Variants in STAT4 observed in about 807,000 individuals in gnomAD.
STAT4 encodes signal transducer and activator of transcription 4.
In STAT4, 42 loss-of-function variants were observed where a neutral mutation model predicts 110.5. That is an observed-to-expected ratio of 0.38 (90% CI 0.30 to 0.49). The LOEUF is 0.49. STAT4 is among the 20% of genes least tolerant of loss of function. STAT4 has a pLI of 0.95. For synonymous variants in STAT4, 284 were observed against 302.2 expected (o/e 0.94, Z 0.63); for missense variants, 632 against 887.9 (o/e 0.71, Z 3.66).
chr2:191,040,116 C>T (rs1696148284), intron 15 of STAT4, among the ~76,000 whole-genome samples: 1 of 152,162 alleles, frequency 6.6e-6, no homozygotes, highest in African/African-American at 2.4e-5. Context: ...GGATCATATT[C>T]AGGGTGTGTG....
chr2:191,030,666 G>A lies in STAT4; in HGVS notation c.2220+306C>T, dbSNP rs1297972391. On this transcript the variant is annotated intron_variant, in intron 23 of 23. Coordinates refer to ENST00000392320, the MANE Select transcript of STAT4 (RefSeq NM_003151.4). This position sits in a 1 kb window ranked among gnomAD's most constrained non-coding sequence, Gnocchi z 4.4. ...GCTAAAGTAGAGAGTGGTGGGGAGTGAGGGGGCCCATGGTGCAAGCAGCGA... is the reference window on the plus strand; with the variant it reads ...GCTAAAGTAGAGAGTGGTGGGGAGTAAGGGGGCCCATGGTGCAAGCAGCGA... 2 of 256,812 alleles carry A rather than the reference G, an allele frequency of 7.8e-6. No homozygotes were observed. Among genetic ancestry groups the A allele is most frequent in the Admixed American group, 4.9e-5 (1 of 20,210 alleles). The allele number at this position is 256,812 out of a possible 1,614,324, so 15.9% of individuals were successfully genotyped here. A position where few individuals can be genotyped will look rare whatever the true frequency, so the allele number is the denominator to read the frequency against.
At chr2:191,145,863 T>C (rs7561832) in intron 3 of STAT4, among the ~76,000 whole-genome samples, 97,338 of 151,968 alleles carry the variant, frequency 0.64, 32,909 homozygotes, top group South Asian at 0.78. Flanking sequence ...ATTAGAACTG[T>C]TGGGTTTAGC....
chr2:191,036,068 C>T (rs1481214732), intron 17 of STAT4, 96 bp downstream of exon 17: 1 of 1,379,748 alleles, frequency 7.2e-7, no homozygotes, highest in Non-Finnish European at 9.8e-7. Flanking sequence ...TTATGATTAT[C>T]ATCTTTATTA....
chr2:191,030,985 G>A lies in STAT4; in HGVS notation c.2207C>T (p.Thr736Ile), dbSNP rs908276985. ...AAGGGAACATACTGCAGTTTCAATT[G>A]TTGTGGGACTCAGGTTTTCTCTCAA... is the stretch of plus-strand genomic sequence containing the variant. ...AVLRENLSPT[T>I]IETAMKSPYS... Residue 736 changes from threonine to isoleucine, a missense_variant, in exon 23 of 24, where the codon ACA (threonine) becomes ATA (isoleucine). By Grantham distance (89) the Thr-to-Ile change is moderately conservative (BLOSUM62 -1). Around this residue, in one of 4 missense-constraint regions of STAT4, gnomAD observed 32 missense variants for 67.6 expected, o/e 0.47. Transcript: ENST00000392320. This position sits in a 1 kb window ranked among gnomAD's most constrained non-coding sequence, Gnocchi z 4.4. The A allele has an allele frequency of 6.2e-7, 1 of 1,613,698 alleles. No homozygotes were observed. Among genetic ancestry groups the A allele is most frequent in the African/African-American group, 1.3e-5 (1 of 74,912 alleles).
chr2:191,100,992 T>C (rs919871929), intron 3 of STAT4, among the ~76,000 whole-genome samples: 2 of 152,050 alleles, frequency 1.3e-5, no homozygotes, highest in African/African-American at 4.8e-5. Flanking sequence ...CTATGACATT[T>C]TTTTTTAAGC....
At chr2:191,148,535 T>C (rs1699513206) in intron 1 of STAT4, among the ~76,000 whole-genome samples, 1 of 152,192 alleles carries the variant, frequency 6.6e-6, no homozygotes, top group Non-Finnish European at 1.5e-5. Context: ...TTTCCCTATC[T>C]CTTGTCCCCT....
rs200170494 is a variant in STAT4 at position 191,036,147 on chromosome 2, T to C, written c.1570+17A>G. The C allele has an allele frequency of 2.6e-4, 413 of 1,612,334 alleles. 1 individual carries two copies. Among genetic ancestry groups the C allele is most frequent in the Non-Finnish European group, 3.2e-4 (372 of 1,179,062 alleles). The stretch of plus-strand genomic sequence containing the variant: ...GCCAAAAACAGAGGCAAATCCTCTC[T>C]ATCTACCAGCTCTCACCTGTAAGCT... On this transcript the variant is annotated intron_variant, in intron 17 of 23. Coordinates refer to ENST00000392320, the MANE Select transcript of STAT4 (RefSeq NM_003151.4).
At chr2:191,057,523 AT>A (rs1396006483) in intron 13 of STAT4, among the ~76,000 whole-genome samples, 1 of 147,196 alleles carries the variant, frequency 6.8e-6, no homozygotes. Context: ...TCTTTCTACC[AT>A]TTTAATTCTT....
intron 14 of STAT4, among the ~76,000 whole-genome samples, chr2:191,048,746 G>A (rs76421327): frequency 3.6e-4 from 42 of 115,522 alleles, no homozygotes; most frequent in African/African-American, 1.4e-3. Flanking sequence ...AGATCACGCC[G>A]CTGCACTCCA....
rs967548194 is a variant in STAT4, at chr2:191,096,945, C to T, written c.274-20620G>A. 2.7e-4 allele frequency among the ~76,000 whole-genome samples: 41 copies of T among 152,202 alleles called. 1 individual carries two copies. The highest frequency in any genetic ancestry group is 9.6e-4 in the African/African-American group (40 of 41,538). On this transcript the variant is annotated intron_variant, in intron 3 of 23. Coordinates refer to ENST00000392320, the MANE Select transcript of STAT4 (RefSeq NM_003151.4). The stretch of plus-strand genomic sequence containing the variant: ...AGTCTCAGGATACAAAATCAATGTG[C>T]AAAAATCACAAGCATTCTTATACAC...
At chr2:191,034,229 T>A (rs895931169) in intron 18 of STAT4, among the ~76,000 whole-genome samples, 8 of 152,134 alleles carry the variant, frequency 5.3e-5, no homozygotes, top group Non-Finnish European at 1.0e-4. Context: ...GAGACCATCC[T>A]GACTAACACG....
chr2:191,089,261 C>G (rs1697725483), intron 3 of STAT4, among the ~76,000 whole-genome samples: 1 of 152,098 alleles, frequency 6.6e-6, no homozygotes, highest in Admixed American at 6.6e-5. Flanking sequence ...TAATAGATGT[C>G]TCACCAAAGA....
intron 3 of STAT4, among the ~76,000 whole-genome samples, chr2:191,129,128 G>A (rs1280437106): frequency 6.6e-6 from 1 of 151,934 alleles, no homozygotes; most frequent in Non-Finnish European, 1.5e-5. Context: ...TTTGCTGCAT[G>A]ATATTTACAA....
rs1186954697 is a variant in STAT4, at chr2:191,059,534, T to C, written c.1035-765A>G. 2.0e-5 allele frequency among the ~76,000 whole-genome samples: 3 copies of C among 152,190 alleles called. No homozygotes were observed. ...CTAAACTTTGCTCATTCACTCAGCA[T>C]GCACTGAGCTCCTCATATTTATGCA... On this transcript the variant is annotated intron_variant, in intron 10 of 23. Transcript: ENST00000392320. This position sits in a 1 kb window ranked among gnomAD's most constrained non-coding sequence, Gnocchi z 4.7.
In STAT4 at chr2:191,046,047, G is replaced by A. The variant is rs1453879999; in HGVS notation, c.1252-4899C>T. On this transcript the variant is annotated intron_variant, in intron 14 of 23. Transcript: ENST00000392320. The surrounding 1 kb of genome is among the most constrained non-coding windows in gnomAD (Gnocchi z 4.6). The stretch of plus-strand genomic sequence containing the variant: ...GAAAATCTCACTGCCCACTAGGGAG[G>A]GGATGCTTACACTATGCAAAACACG... 6.6e-6 allele frequency among the ~76,000 whole-genome samples: 1 copy of A among 152,098 alleles called. No homozygotes were observed. The highest frequency in any genetic ancestry group is 1.5e-5 in the Non-Finnish European group (1 of 68,018).
intron 3 of STAT4, among the ~76,000 whole-genome samples, chr2:191,145,174 G>A (rs950171692): frequency 3.9e-5 from 6 of 152,110 alleles, no homozygotes; most frequent in Non-Finnish European, 8.8e-5. Context: ...TATAGGTCAT[G>A]CTGTCTCTAT....
rs1381527334 is a variant in STAT4 at position 191,032,606 on chromosome 2, A to G, written c.2044+352T>C. ...GTTTTACTATTAAAAGCTTCTCATCATTACCCCCTCTTTCTTTTCCTTTCC... is the reference window on the plus strand; with the variant it reads ...GTTTTACTATTAAAAGCTTCTCATCGTTACCCCCTCTTTCTTTTCCTTTCC... On this transcript the variant is annotated intron_variant, in intron 21 of 23. Coordinates refer to ENST00000392320, the MANE Select transcript of STAT4 (RefSeq NM_003151.4). The surrounding 1 kb of genome is among the most constrained non-coding windows in gnomAD (Gnocchi z 4.9). Among the ~76,000 whole-genome samples the G allele has an allele frequency of 3.3e-5, 5 of 152,182 alleles. No individual in the cohort carries two copies. Among genetic ancestry groups the G allele is most frequent in the Non-Finnish European group, 7.3e-5 (5 of 68,032 alleles).
rs1008361219 is a variant in STAT4 at position 191,050,017 on chromosome 2, A to G, written c.1251+4473T>C. On this transcript the variant is annotated intron_variant, in intron 14 of 23. Transcript: ENST00000392320. This position sits in a 1 kb window ranked among gnomAD's most constrained non-coding sequence, Gnocchi z 4.3. The stretch of plus-strand genomic sequence containing the variant: ...ACCTTGAAAGAACATCTGTTTGGCT[A>G]TTTTGTTAAATGAAACTCAAGTCAC... 6.6e-6 allele frequency among the ~76,000 whole-genome samples: 1 copy of G among 152,192 alleles called. No individual in the cohort carries two copies. The highest frequency in any genetic ancestry group is 2.4e-5 in the African/African-American group (1 of 41,444).
At chr2:191,129,152 T>TA (rs537329021) in intron 3 of STAT4, among the ~76,000 whole-genome samples, 73 of 151,616 alleles carry the variant, frequency 4.8e-4, no homozygotes, top group Non-Finnish European at 9.3e-4. Context: ...GCATACCCAG[T>TA]AAAAAAAACA....
Sources: allele counts gnomAD v4.1 joint callset (sites outside exome capture counted in the v4.1 genomes callset), GRCh38; gene constraint gnomAD v4.1.1; regional missense constraint gnomAD v4.1.1; non-coding constraint Gnocchi (gnomAD v3.1); transcripts MANE v1.5; gene names NCBI Gene and HGNC (gene_info 2026-07-23, HGNC 2026-07-21).